GDNF: variants seen among roughly 807,000 people sequenced by gnomAD.
GDNF encodes the protein glial cell derived neurotrophic factor, also known as glial cell line-derived neurotrophic factor.
In GDNF, 5 loss-of-function variants were observed where a neutral mutation model predicts 13.7. The observed-to-expected ratio is 0.36, with a 90% confidence interval of 0.19 to 0.77. The LOEUF (loss-of-function observed/expected upper bound fraction) is 0.77. Ranked by LOEUF, GDNF falls within the 30% of genes least tolerant of loss-of-function variation. The pLI, the probability that GDNF is intolerant of heterozygous loss-of-function variation, is 0.51. For synonymous variants in GDNF, 122 were observed against 112.5 expected, an observed-to-expected ratio of 1.08 and a Z score of -0.53; for missense variants, 246 against 274.3, an observed-to-expected ratio of 0.90 and a Z score of 0.73.
chr5:37,826,427 T>TA (rs1221775498), intron 2 of GDNF, among the ~76,000 whole-genome samples: 1 of 152,150 alleles, frequency 6.6e-6, no homozygotes, highest in Non-Finnish European at 1.5e-5. Flanking sequence ...GGTCCCTACT[T>TA]AGTCTAGCAT....
chr5:37,818,731 T>C lies in GDNF; in HGVS notation c.152-2596A>G, dbSNP rs182061643. Among the ~76,000 whole-genome samples, 96 of 152,282 alleles carry C rather than the reference T, an allele frequency of 6.3e-4. 1 individual carries two copies. The highest frequency in any genetic ancestry group is 2.2e-3 in the African/African-American group (93 of 41,562). Reference sequence around the variant, plus strand: ...GCTGTCCCCTCTCTGCCTGGACCCTTGGCCTATAGAGCAATTTGCATTTTA... The same window carrying C: ...GCTGTCCCCTCTCTGCCTGGACCCTCGGCCTATAGAGCAATTTGCATTTTA... On this transcript the variant is annotated intron_variant, in intron 2 of 2. Coordinates refer to ENST00000326524, the MANE Select transcript of GDNF (RefSeq NM_000514.4).
rs745874861 is a variant in GDNF at position 37,828,396 on chromosome 5, G to T, written c.151+6250C>A. 5.4e-4 allele frequency among the ~76,000 whole-genome samples: 82 copies of T among 152,146 alleles called. 1 individual carries two copies. The highest frequency in any genetic ancestry group is 1.8e-4 in the Non-Finnish European group (12 of 68,022). ...CTTTGAAGTAGTCATTAGTAATACT[G>T]GCTTAAGCCTACCGCAGCCCAAATG... is the stretch of plus-strand genomic sequence containing the variant. On this transcript the variant is annotated intron_variant, in intron 2 of 2. Transcript: ENST00000326524.
chr5:37,834,742 C>T lies in GDNF; in HGVS notation c.55G>A (p.Ala19Thr). 6.2e-7 allele frequency: 1 copy of T among 1,612,150 alleles called. No homozygotes were observed. Among genetic ancestry groups the T allele is most frequent in the Non-Finnish European group, 8.5e-7 (1 of 1,179,326 alleles). Residue 19 changes from alanine (A) to threonine (T), a missense_variant, in exon 2 of 3, where the codon GCC becomes ACC. Physicochemically the swap from Ala to Thr is moderately conservative, Grantham distance 58 (BLOSUM62 0). Transcript: ENST00000326524. ...CTCTTACCGGCGGGCAGCGGGAAGG[C>T]GGACGCGGTGTGGAGCAGCACCAGG... The part of the protein sequence containing the change: ...VCLVLLHTAS[A>T]FPLPAGKRPP...
rs376929817 is a variant in GDNF at position 37,827,566 on chromosome 5, CT to C, written c.151+7079del. On this transcript the variant is annotated intron_variant, in intron 2 of 2. Coordinates refer to ENST00000326524, the MANE Select transcript of GDNF (RefSeq NM_000514.4). ...GAAGCCAGTTGCTCCATATTTCCTC[CT>C]GGCCAGGCCCCTTGGGAAGCCTCAG... is the stretch of plus-strand genomic sequence containing the variant. 2.6e-4 allele frequency among the ~76,000 whole-genome samples: 40 copies of C among 152,338 alleles called. No individual in the cohort carries two copies. In the East Asian group the frequency reaches 6.7e-3, roughly 26 times the overall value.
At chr5:37,836,489 A>C (rs1225884045) in intron 1 of GDNF, among the ~76,000 whole-genome samples, 1 of 152,126 alleles carries the variant, frequency 6.6e-6, no homozygotes. Flanking sequence ...AGAAACTCCT[A>C]GTGACCTGCA....
chr5:37,834,999 C>T (rs1750653702), intron 1 of GDNF, 177 bp from the exon 2 acceptor site: 8 of 608,838 alleles, frequency 1.3e-5, no homozygotes, highest in Non-Finnish European at 2.3e-5. Flanking sequence ...TCGCTTCTCC[C>T]TCCTCAGCGC....
At chr5:37,834,907 C>A in intron 1 of GDNF, 85 bp from the exon 2 acceptor site, 1 of 1,241,992 alleles carries the variant, frequency 8.1e-7, no homozygotes, top group Non-Finnish European at 1.1e-6. Flanking sequence ...CGCCCCTCTC[C>A]AACCTCGTCA....
Position 37,816,100 on chromosome 5 carries a change from C to A in GDNF, c.187G>T (p.Asp63Tyr), listed in dbSNP as rs746921352. ...MPEDYPDQFD[D>Y]VMDFIQATIK... ...GTGGCTTGAATAAAATCCATGACAT[C>A]ATCGAACTGATCAGGATAATCCTCT... Residue 63 changes from aspartate (D) to tyrosine (Y), a missense_variant, in exon 3 of 3, where the codon GAT becomes TAT. Coordinates refer to ENST00000326524, the MANE Select transcript of GDNF (RefSeq NM_000514.4). The A allele has an allele frequency of 9.9e-6, 16 of 1,613,242 alleles. No individual in the cohort carries two copies. Among genetic ancestry groups the A allele is most frequent in the Non-Finnish European group, 1.3e-5 (15 of 1,179,306 alleles).
chr5:37,826,844 G>A (rs543003830), intron 2 of GDNF, among the ~76,000 whole-genome samples: 1 of 152,272 alleles, frequency 6.6e-6, no homozygotes, highest in Admixed American at 6.5e-5. Context: ...ACTGAGAGAC[G>A]GTGTGCTTCT....
chr5:37,835,680 TC>T, intron 1 of GDNF: 5 of 1,549,096 alleles, frequency 3.2e-6, no homozygotes, highest in Non-Finnish European at 4.4e-6. Flanking sequence ...GTTTTAATCC[TC>T]CGTGGTATAC....
intron 2 of GDNF, among the ~76,000 whole-genome samples, chr5:37,833,230 A>G (rs986928926): frequency 2.8e-4 from 43 of 152,272 alleles, no homozygotes; most frequent in African/African-American, 1.0e-3. Context: ...TCTTGTCTAG[A>G]CCGTTTGAGT....
intron 2 of GDNF, among the ~76,000 whole-genome samples, chr5:37,820,416 C>T (rs1287048019): frequency 6.6e-6 from 1 of 152,146 alleles, no homozygotes; most frequent in African/African-American, 2.4e-5. Context: ...CTTTTTAAGA[C>T]ATTTTGACCA....
In GDNF at chr5:37,837,017, G is replaced by C. The variant is rs1390355939; in HGVS notation, c.-26-2195C>G. On this transcript the variant is annotated intron_variant, in intron 1 of 2. Transcript: ENST00000326524. The surrounding 1 kb of genome is among the most constrained non-coding windows in gnomAD (Gnocchi z 6.5). ...GGATCGAGCTCCCCTCTTCCCCCGG[G>C]ACAGGGAGGGCGCATTCTTCCCTCT... 6.6e-6 allele frequency among the ~76,000 whole-genome samples: 1 copy of C among 152,182 alleles called. No homozygotes were observed. Among genetic ancestry groups the C allele is most frequent in the African/African-American group, 2.4e-5 (1 of 41,454 alleles).
chr5:37,818,307 C>T lies in GDNF; in HGVS notation c.152-2172G>A, dbSNP rs532708715. 7.2e-5 allele frequency among the ~76,000 whole-genome samples: 11 copies of T among 152,292 alleles called. No individual in the cohort carries two copies. The South Asian group carries it at 1.7e-3, about 23-fold the overall frequency. On this transcript the variant is annotated intron_variant, in intron 2 of 2. Coordinates refer to ENST00000326524, the MANE Select transcript of GDNF (RefSeq NM_000514.4). ...GGGGCCCAGTGAGAGGTAATTGAATCGCAGGGGCAGGTTTTTCCTGTGCTA... is the reference window on the plus strand; with the variant it reads ...GGGGCCCAGTGAGAGGTAATTGAATTGCAGGGGCAGGTTTTTCCTGTGCTA...
At chr5:37,828,392 T>C (rs1467149707) in intron 2 of GDNF, among the ~76,000 whole-genome samples, 4 of 152,234 alleles carry the variant, frequency 2.6e-5, no homozygotes, top group Non-Finnish European at 1.5e-5. Flanking sequence ...TCATTAGTAA[T>C]ACTGGCTTAA....
intron 2 of GDNF, among the ~76,000 whole-genome samples, chr5:37,822,425 C>T (rs1451239779): frequency 6.6e-6 from 1 of 152,142 alleles, no homozygotes; most frequent in African/African-American, 2.4e-5. Context: ...TGAGCCAAGG[C>T]CACACAAGTG....
chr5:37,829,020 A>G (rs992423078), intron 2 of GDNF, among the ~76,000 whole-genome samples: 28 of 152,266 alleles, frequency 1.8e-4, no homozygotes, highest in South Asian at 1.2e-3. Context: ...CCCGCCTTGT[A>G]GTCACCTGCC....
chr5:37,831,122 T>C (rs1750508880), intron 2 of GDNF, among the ~76,000 whole-genome samples: 2 of 152,242 alleles, frequency 1.3e-5, no homozygotes, highest in Non-Finnish European at 1.5e-5. Context: ...TATAATCCCA[T>C]TATATTATAC....
rs762021216 is a variant in GDNF at position 37,834,809 on chromosome 5, TC to T, written c.-14del. 6.2e-7 allele frequency: 1 copy of T among 1,612,196 alleles called. No homozygotes were observed. Among genetic ancestry groups the T allele is most frequent in the South Asian group, 1.1e-5 (1 of 90,916 alleles). On this transcript the variant is annotated 5_prime_UTR_variant, in exon 2 of 3. The change creates a premature stop within an existing upstream ORF in the 5' untranslated region. Coordinates refer to ENST00000326524, the MANE Select transcript of GDNF (RefSeq NM_000514.4). ...CCCATAACTTCATCTTAAAGTCCCG[TC>T]CGGCGGCGGCACCTGCGCGGGCAGG...
Sources: allele counts gnomAD v4.1 joint callset (sites outside exome capture counted in the v4.1 genomes callset), GRCh38; gene constraint gnomAD v4.1.1; non-coding constraint Gnocchi (gnomAD v3.1); transcripts MANE v1.5; gene names NCBI Gene and HGNC (gene_info 2026-07-23, HGNC 2026-07-21).